SPARCL1: variants seen among roughly 807,000 people sequenced by gnomAD.
SPARCL1 encodes the protein SPARC like 1.
Under a neutral mutation model 67.1 loss-of-function variants are expected in SPARCL1, and 52 were observed. The observed-to-expected ratio is 0.78, with a 90% CI of 0.62 to 0.98. SPARCL1 has a LOEUF of 0.98. SPARCL1 is among the 50% of genes least tolerant of loss of function. The probability of loss-of-function intolerance (pLI) is 0.00; values close to 1 mark genes in which losing one functional copy is unlikely to be tolerated. For missense variants in SPARCL1, 717 were observed against 782.4 expected, an observed-to-expected ratio of 0.92 and a Z score of 1.00; for synonymous variants, 226 against 267.8, an observed-to-expected ratio of 0.84 and a Z score of 1.52.
intron 7 of SPARCL1, among the ~76,000 whole-genome samples, chr4:87,485,139 G>C (rs1327174353): frequency 6.6e-6 from 1 of 151,946 alleles, no homozygotes; most frequent in Non-Finnish European, 1.5e-5. Context: ...TCCTTGTCTT[G>C]TGCTGGTTTT....
chr4:87,477,118 C>T (rs1423132125), intron 10 of SPARCL1, among the ~76,000 whole-genome samples: 1 of 152,210 alleles, frequency 6.6e-6, no homozygotes, highest in Non-Finnish European at 1.5e-5. Context: ...CCTGCTCCTC[C>T]CAGACAACCG....
chr4:87,518,792 CACTT>C (rs1421947404), intron 1 of SPARCL1, among the ~76,000 whole-genome samples: 18 of 152,174 alleles, frequency 1.2e-4, no homozygotes, highest in African/African-American at 4.1e-4. Flanking sequence ...AAAAAGAAGA[CACTT>C]AGGGTTAAGA....
intron 1 of SPARCL1, among the ~76,000 whole-genome samples, chr4:87,525,402 A>G (rs1217008492): frequency 6.6e-6 from 1 of 152,214 alleles, no homozygotes; most frequent in African/African-American, 2.4e-5. Flanking sequence ...ACTAGAAGGT[A>G]TGAGTGCCAG....
intron 10 of SPARCL1, among the ~76,000 whole-genome samples, chr4:87,478,321 G>C (rs1723662363): frequency 6.6e-6 from 1 of 151,916 alleles, no homozygotes; most frequent in Admixed American, 6.6e-5. Flanking sequence ...TATACCTTGT[G>C]GAATGGTTAA....
chr4:87,501,292 T>G (rs182148212), intron 1 of SPARCL1, among the ~76,000 whole-genome samples: 1 of 152,136 alleles, frequency 6.6e-6, no homozygotes, highest in African/African-American at 2.4e-5. Flanking sequence ...CCCCTTTGTC[T>G]TTTTTCTTCT....
intron 1 of SPARCL1, among the ~76,000 whole-genome samples, chr4:87,511,480 G>A (rs1283915862): frequency 2.6e-5 from 4 of 152,148 alleles, no homozygotes; most frequent in Non-Finnish European, 5.9e-5. Context: ...ATGGAGTTTG[G>A]GGTTACAGAT....
intron 1 of SPARCL1, among the ~76,000 whole-genome samples, chr4:87,518,942 C>T (rs1725692000): frequency 6.6e-6 from 1 of 152,146 alleles, no homozygotes; most frequent in Admixed American, 6.5e-5. Context: ...AAAATGATTT[C>T]AATGAGCTAA....
At chr4:87,504,254 C>T (rs554055059) in intron 1 of SPARCL1, among the ~76,000 whole-genome samples, 1 of 150,332 alleles carries the variant, frequency 6.7e-6, no homozygotes, top group South Asian at 2.1e-4. Context: ...CCTTACTAGT[C>T]TGGACTAATC....
chr4:87,525,829 CA>C (rs1258859359), intron 1 of SPARCL1, among the ~76,000 whole-genome samples: 2 of 152,186 alleles, frequency 1.3e-5, no homozygotes, highest in Non-Finnish European at 2.9e-5. Flanking sequence ...AGTCTCTCTA[CA>C]CCCTTTCATT....
At chr4:87,506,774 CTATCTATCA>C (rs1560824800) in intron 1 of SPARCL1, among the ~76,000 whole-genome samples, 2,270 of 52,166 alleles carry the variant, frequency 0.044, 53 homozygotes, top group African/African-American at 0.15. Flanking sequence ...ATATCTCTAT[CTATCTATCA>C]TCTATCTATC....
At position 87,507,879 on chromosome 4, in the gene SPARCL1, G is replaced by A. The variant is rs535531550; in HGVS notation, c.-11-8294C>T. ...GATTAATTTGCTAGAGTGCATCACA[G>A]AACTCAGGGAAACACCTACTTAGAT... is the stretch of plus-strand genomic sequence containing the variant. On this transcript the variant is annotated intron_variant, in intron 1 of 10. Coordinates refer to ENST00000282470, the MANE Select transcript of SPARCL1 (RefSeq NM_004684.6). Among the ~76,000 whole-genome samples the A allele has an allele frequency of 2.0e-5, 3 of 152,254 alleles. No homozygotes were observed. The South Asian group carries it at 6.2e-4, about 32-fold the overall frequency.
At chr4:87,495,857 G>A (rs574040349) in intron 2 of SPARCL1, among the ~76,000 whole-genome samples, 2 of 152,318 alleles carry the variant, frequency 1.3e-5, no homozygotes, top group African/African-American at 4.8e-5. Flanking sequence ...CTTGAACCCT[G>A]GAGGCGGAGG....
At chr4:87,519,062 T>C (rs1442302216) in intron 1 of SPARCL1, among the ~76,000 whole-genome samples, 3 of 151,836 alleles carry the variant, frequency 2.0e-5, no homozygotes, top group Non-Finnish European at 2.9e-5. Context: ...TACCTTCCTA[T>C]CAAGTCCCTA....
chr4:87,482,379 G>T (rs1475590462), intron 8 of SPARCL1, 45 bp downstream of exon 8: 6 of 1,600,288 alleles, frequency 3.7e-6, no homozygotes, highest in Admixed American at 1.7e-5. Context: ...TCTTCCTCAT[G>T]CCCTGTAGAC....
chr4:87,510,314 C>T (rs1014827813), intron 1 of SPARCL1, among the ~76,000 whole-genome samples: 1 of 152,130 alleles, frequency 6.6e-6, no homozygotes, highest in Non-Finnish European at 1.5e-5. Flanking sequence ...AGGGGCGGGT[C>T]GCTGGCAAAA....
rs577517577 is a variant in SPARCL1 at position 87,487,695 on chromosome 4, C to T, written c.1531+2578G>A. Among the ~76,000 whole-genome samples, 4 of 152,314 alleles carry T rather than the reference C, an allele frequency of 2.6e-5. No homozygotes were observed. In the East Asian group the frequency reaches 7.7e-4, roughly 29 times the overall value. Reference sequence around the variant, plus strand: ...TAATATCCTGAAGAGTGTTTTCCAACTTGGTTCCATTCTCCTCATTACTTC... The same window carrying T: ...TAATATCCTGAAGAGTGTTTTCCAATTTGGTTCCATTCTCCTCATTACTTC... On this transcript the variant is annotated intron_variant, in intron 7 of 10. Coordinates refer to ENST00000282470, the MANE Select transcript of SPARCL1 (RefSeq NM_004684.6).
At chr4:87,491,717 A>G in intron 4 of SPARCL1, 27 bp from the exon 5 acceptor site, 1 of 1,506,096 alleles carries the variant, frequency 6.6e-7, no homozygotes, top group Non-Finnish European at 9.2e-7. Flanking sequence ...GCAAAAGTTA[A>G]AATCTACTAA....
intron 1 of SPARCL1, among the ~76,000 whole-genome samples, chr4:87,522,694 G>T (rs1198176308): frequency 6.8e-6 from 1 of 146,378 alleles, no homozygotes; most frequent in East Asian, 2.0e-4. Context: ...CACACACACA[G>T]AGTTAACCTC....
At position 87,473,873 on chromosome 4, in the gene SPARCL1, AG is replaced by A. The variant is rs1304060641; in HGVS notation, c.1967-71del. The A allele has an allele frequency of 7.5e-6, 8 of 1,066,604 alleles. No individual in the cohort carries two copies. The African/African-American group carries it at 1.3e-4, about 17-fold the overall frequency. The allele number at this position is 1,066,604 out of a possible 1,614,324, so 66.1% of individuals were successfully genotyped here. On this transcript the variant is annotated intron_variant, in intron 10 of 10. Coordinates refer to ENST00000282470, the MANE Select transcript of SPARCL1 (RefSeq NM_004684.6). ...AGAGTAGTAGCACAAACAATATTAG[AG>A]TTGGGGGATTAGAGAAACCATCTAA... is the stretch of plus-strand genomic sequence containing the variant.
Sources: allele counts gnomAD v4.1 joint callset (sites outside exome capture counted in the v4.1 genomes callset), GRCh38; gene constraint gnomAD v4.1.1; transcripts MANE v1.5; gene names NCBI Gene and HGNC (gene_info 2026-07-23, HGNC 2026-07-21).